Variants in GLIS3 observed in about 807,000 individuals in gnomAD.
GLIS3 encodes the protein zinc finger protein GLIS3.
A neutral mutation model predicts 78.6 loss-of-function variants in GLIS3; 53 were observed. The ratio of observed to expected loss-of-function variants is 0.67; its 90% confidence interval spans 0.54 to 0.85. GLIS3 has a LOEUF of 0.85. Among genes scored for constraint, GLIS3 ranks in the 40% least tolerant of loss-of-function variants. The pLI is 0.00. For synonymous variants in GLIS3, 684 were observed against 509.9 expected, an observed-to-expected ratio of 1.34 and a Z score of -4.60; for missense variants, 1,703 against 1,231.1, an observed-to-expected ratio of 1.38 and a Z score of -5.74.
At chr9:3,912,209 A>G (rs543861660) in intron 6 of GLIS3, among the ~76,000 whole-genome samples, 3 of 152,312 alleles carry the variant, frequency 2.0e-5, no homozygotes, top group South Asian at 4.1e-4. Context: ...TTTTTACTCA[A>G]GAAGAGGCTA....
chr9:3,936,960 A>T, intron 5 of GLIS3, 68 bp downstream of exon 5: 16 of 1,577,368 alleles, frequency 1.0e-5, no homozygotes, highest in Non-Finnish European at 1.4e-5. Flanking sequence ...TCACCAGCCC[A>T]CTATCAAGCA....
chr9:4,206,237 T>G (rs1345320519), intron 2 of GLIS3, among the ~76,000 whole-genome samples: 1 of 152,232 alleles, frequency 6.6e-6, no homozygotes, highest in Non-Finnish European at 1.5e-5. Context: ...TTCTATATAT[T>G]TATTGAAGAC....
chr9:4,432,624 T>C, the GLIS3 span, among the ~76,000 whole-genome samples: 1 of 150,018 alleles, frequency 6.7e-6, no homozygotes, highest in East Asian at 2.0e-4. Flanking sequence ...AAACAGACTA[T>C]ATTTTTTTAT....
At chr9:4,412,955 GCACAGTCTCTTT>G in the GLIS3 span, among the ~76,000 whole-genome samples, 1 of 152,190 alleles carries the variant, frequency 6.6e-6, no homozygotes, top group Admixed American at 6.5e-5. Context: ...ACCACGTGGA[GCACAGTCTCTTT>G]CACCAGCCCT....
At chr9:3,911,631 G>A (rs1483636051) in intron 6 of GLIS3, among the ~76,000 whole-genome samples, 1 of 152,192 alleles carries the variant, frequency 6.6e-6, no homozygotes, top group Non-Finnish European at 1.5e-5. Flanking sequence ...ACTACGTGGA[G>A]TTGAATTTTT....
the GLIS3 span, among the ~76,000 whole-genome samples, chr9:4,456,440 T>G: frequency 5.9e-5 from 9 of 152,330 alleles, no homozygotes; most frequent in South Asian, 1.4e-3. Context: ...AGGGAGGTGT[T>G]GTGACTGATT....
chr9:3,969,014 T>G (rs1300447645), intron 4 of GLIS3, among the ~76,000 whole-genome samples: 1 of 152,212 alleles, frequency 6.6e-6, no homozygotes, highest in Non-Finnish European at 1.5e-5. Flanking sequence ...TTTTTTCCAT[T>G]GTGTCACAGA....
At chr9:3,939,045 G>A (rs187046039) in intron 4 of GLIS3, among the ~76,000 whole-genome samples, 11 of 152,314 alleles carry the variant, frequency 7.2e-5, no homozygotes, top group African/African-American at 2.6e-4. Context: ...AAGTGAGCTT[G>A]TGGTTTTAGA....
chr9:4,282,181 A>G (rs139243774), intron 2 of GLIS3, among the ~76,000 whole-genome samples: 12 of 152,288 alleles, frequency 7.9e-5, no homozygotes, highest in Admixed American at 5.2e-4. Flanking sequence ...AATCACTTTC[A>G]AAGCTTAGAA....
chr9:4,192,228 T>C (rs1232035388), intron 2 of GLIS3, among the ~76,000 whole-genome samples: 2 of 152,264 alleles, frequency 1.3e-5, no homozygotes, highest in African/African-American at 4.8e-5. Flanking sequence ...CATTCAGTTT[T>C]GTTTCATTTA....
At chr9:3,908,003 G>A (rs1823841063) in intron 6 of GLIS3, among the ~76,000 whole-genome samples, 1 of 152,166 alleles carries the variant, frequency 6.6e-6, no homozygotes, top group African/African-American at 2.4e-5. Context: ...GCAGGAGTAT[G>A]GAAAGTAGAT....
At chr9:4,444,545 G>A in the GLIS3 span, among the ~76,000 whole-genome samples, 90 of 152,204 alleles carry the variant, frequency 5.9e-4, no homozygotes, top group African/African-American at 2.1e-3. Flanking sequence ...CTTCAAACTC[G>A]CCCACATATG....
intron 2 of GLIS3, among the ~76,000 whole-genome samples, chr9:4,260,245 A>T (rs1359401606): frequency 1.3e-5 from 2 of 152,170 alleles, no homozygotes; most frequent in African/African-American, 4.8e-5. Flanking sequence ...ATCCTGCCCA[A>T]CATGGTGAAA....
chr9:4,396,982 T>C, the GLIS3 span, among the ~76,000 whole-genome samples: 4 of 151,988 alleles, frequency 2.6e-5, no homozygotes, highest in Non-Finnish European at 5.9e-5. Context: ...TCCCATGTTA[T>C]TGTCTTGCCC....
chr9:4,348,720 T>C (rs1383701439), upstream of GLIS3, among the ~76,000 whole-genome samples: 1 of 152,172 alleles, frequency 6.6e-6, no homozygotes, highest in Non-Finnish European at 1.5e-5. Context: ...TATGCGGTCA[T>C]TAAAAGTTAT....
chr9:4,151,255 C>T, intron 2 of GLIS3, among the ~76,000 whole-genome samples: 1 of 152,298 alleles, frequency 6.6e-6, no homozygotes, highest in East Asian at 1.9e-4. Flanking sequence ...CCAGATCAGA[C>T]AAAATGTATG....
intron 7 of GLIS3, chr9:3,898,148 C>T: frequency 1.2e-5 from 2 of 165,038 alleles, no homozygotes; most frequent in Non-Finnish European, 1.3e-5. Flanking sequence ...TGTAATTTTC[C>T]AAATATAGTC....
At chr9:4,169,349 T>G (rs1419218483) in intron 2 of GLIS3, among the ~76,000 whole-genome samples, 1 of 152,196 alleles carries the variant, frequency 6.6e-6, no homozygotes, top group East Asian at 1.9e-4. Flanking sequence ...TACGAAGGCT[T>G]TCAGATAACT....
At chr9:4,375,907 G>A in the GLIS3 span, among the ~76,000 whole-genome samples, 2 of 152,144 alleles carry the variant, frequency 1.3e-5, no homozygotes, top group East Asian at 1.9e-4. Context: ...GCAGGCATTA[G>A]AATAACCAGT....
Sources: gnomAD v4.1 joint callset for allele counts (sites outside exome capture counted in the v4.1 genomes callset) on GRCh38, gnomAD v4.1.1 for gene constraint, MANE v1.5 for transcripts, NCBI Gene and HGNC (gene_info 2026-07-23, HGNC 2026-07-21) for gene names.